NASP: variants seen among roughly 807,000 people sequenced by gnomAD.
NASP encodes NASP histone chaperone.
In NASP, 24 loss-of-function variants were observed where a neutral mutation model predicts 89.5. The observed-to-expected ratio is 0.27, with a 90% CI of 0.19 to 0.38. NASP has a LOEUF of 0.38. Among genes scored for constraint, NASP ranks in the 10% least tolerant of loss-of-function variants. The pLI is 1.00. For synonymous variants in NASP, 306 were observed against 324.7 expected (o/e 0.94, Z 0.62); for missense variants, 848 against 921.4 (o/e 0.92, Z 1.03).
At chr1:45,612,273 C>T (rs1294373327) in intron 6 of NASP, 3 of 152,106 alleles carry the variant, frequency 2.0e-5, no homozygotes, top group Non-Finnish European at 2.9e-5. Context: ...TCCTAATTGC[C>T]ATATTTATAT....
At chr1:45,588,764 C>G in intron 1 of NASP, 1 of 286,816 alleles carries the variant, frequency 3.5e-6, no homozygotes, top group Non-Finnish European at 6.9e-6. Flanking sequence ...CGGTGAAACC[C>G]CATCTCTACT....
chr1:45,594,123 C>G (rs1420827981), intron 2 of NASP, among the ~76,000 whole-genome samples: 1 of 151,550 alleles, frequency 6.6e-6, no homozygotes, highest in African/African-American at 2.4e-5. Flanking sequence ...GTCAGGAGTT[C>G]AAGATCAGCC....
intron 4 of NASP, 131 bp downstream of exon 4, chr1:45,605,147 TTG>T (rs956844598): frequency 1.8e-5 from 13 of 707,890 alleles, no homozygotes; most frequent in African/African-American, 1.6e-4. Flanking sequence ...GTGATGGAAG[TTG>T]TGAATGGCAC....
intron 2 of NASP, among the ~76,000 whole-genome samples, chr1:45,594,383 A>G (rs1460546485): frequency 6.6e-6 from 1 of 152,020 alleles, no homozygotes; most frequent in Non-Finnish European, 1.5e-5. Flanking sequence ...TTTGGGTGGT[A>G]TGAATACTGA....
chr1:45,617,625 C>T lies in NASP; in HGVS notation c.2286+34C>T. ...TTAAGCAGGGCTTAGCCTCTTGCCT[C>T]ATTCCTTGTTCTCAGGACCTGGGGA... On this transcript the variant is annotated intron_variant, in intron 14 of 14. Coordinates refer to ENST00000350030, the MANE Select transcript of NASP (RefSeq NM_002482.4). The T allele has an allele frequency of 2.6e-6, 4 of 1,540,752 alleles. No homozygotes were observed. In the Middle Eastern group the frequency reaches 5.3e-4, roughly 204 times the overall value.
Position 45,614,373 on chromosome 1 carries a change from C to A in NASP, c.1666+7C>A. The A allele has an allele frequency of 6.3e-7, 1 of 1,599,410 alleles. No homozygotes were observed. The highest frequency in any genetic ancestry group is 8.6e-7 in the Non-Finnish European group (1 of 1,166,584). Reference sequence around the variant, plus strand: ...GAAGTTAGTGTTGAATCTGGTAATGCATTTTCCATTTTATACTCTCCTACT... The same window carrying A: ...GAAGTTAGTGTTGAATCTGGTAATGAATTTTCCATTTTATACTCTCCTACT... On this transcript the variant is annotated splice_region_variant and intron_variant, in intron 9 of 14. Coordinates refer to ENST00000350030, the MANE Select transcript of NASP (RefSeq NM_002482.4).
At chr1:45,613,016 C>T in intron 6 of NASP, 153 bp from the exon 7 acceptor site, 1 of 1,072,708 alleles carries the variant, frequency 9.3e-7, no homozygotes, top group Non-Finnish European at 1.3e-6. Flanking sequence ...AGACTGCACC[C>T]ACTGACGATA....
At chr1:45,608,433 C>T (rs772662355) in intron 6 of NASP, 96 bp downstream of exon 6, 30 of 1,334,504 alleles carry the variant, frequency 2.2e-5, no homozygotes, top group Middle Eastern at 1.8e-4. Flanking sequence ...CAGGATTTTC[C>T]GTCTGCCTTT....
At chr1:45,603,403 T>G (rs1167791269) in intron 3 of NASP, among the ~76,000 whole-genome samples, 1 of 152,180 alleles carries the variant, frequency 6.6e-6, no homozygotes, top group Non-Finnish European at 1.5e-5. Context: ...AACAAAGCGT[T>G]TGTGGGTTTC....
intron 14 of NASP, 60 bp downstream of exon 14, chr1:45,617,651 A>T (rs1644130023): frequency 1.3e-6 from 2 of 1,516,206 alleles, no homozygotes; most frequent in African/African-American, 2.8e-5. Context: ...GACCTGGGGA[A>T]ATCAGTCCTC....
At chr1:45,603,605 A>AT (rs10646791) in intron 3 of NASP, among the ~76,000 whole-genome samples, 4,694 of 119,020 alleles carry the variant, frequency 0.039, 160 homozygotes, top group Middle Eastern at 0.062. Flanking sequence ...GTATTTAGAG[A>AT]TTTTTTTTTT....
intron 7 of NASP, among the ~76,000 whole-genome samples, chr1:45,613,529 C>T (rs374130496): frequency 3.3e-5 from 5 of 152,170 alleles, no homozygotes; most frequent in African/African-American, 1.2e-4. Flanking sequence ...CTGCCCAGGC[C>T]GGAGTGCACT....
In NASP at chr1:45,608,381, G is replaced by C. The variant is rs188640610; in HGVS notation, c.1426+44G>C. On this transcript the variant is annotated intron_variant, in intron 6 of 14. Coordinates refer to ENST00000350030, the MANE Select transcript of NASP (RefSeq NM_002482.4). The stretch of plus-strand genomic sequence containing the variant: ...AGCTGCAGTGGGTGGAGTACATTCT[G>C]GATTTGACTCACTAATTATGGGTAA... The C allele has an allele frequency of 2.5e-4, 381 of 1,548,518 alleles. 8 individuals carry two copies. In the East Asian group the frequency reaches 8.3e-3, roughly 34 times the overall value.
At chr1:45,617,094 C>T (rs1412707541) in intron 13 of NASP, 3 of 294,984 alleles carry the variant, frequency 1.0e-5, no homozygotes, top group Non-Finnish European at 1.9e-5. Context: ...CCACCCACCT[C>T]GGCATCCCAA....
In NASP at chr1:45,590,452, G is replaced by C. The variant is rs925102293; in HGVS notation, c.60-771G>C. Among the ~76,000 whole-genome samples the C allele has an allele frequency of 3.8e-4, 58 of 151,322 alleles. 1 individual carries two copies. The Middle Eastern group carries it at 0.024, about 63-fold the overall frequency. On this transcript the variant is annotated intron_variant, in intron 1 of 14. Coordinates refer to ENST00000350030, the MANE Select transcript of NASP (RefSeq NM_002482.4). The stretch of plus-strand genomic sequence containing the variant: ...CGGCCTGGCACCAGGCCCAGGCTGA[G>C]GCAGGAGAATGGCGTGAACCCGGGA...
chr1:45,617,003 C>G (rs1474393342), intron 13 of NASP, among the ~76,000 whole-genome samples: 1 of 152,166 alleles, frequency 6.6e-6, no homozygotes, highest in Non-Finnish European at 1.5e-5. Context: ...CGCCACCACG[C>G]CTGGCTAGTT....
At chr1:45,617,254 G>A in intron 13 of NASP, 1 of 516,460 alleles carries the variant, frequency 1.9e-6, no homozygotes, top group Non-Finnish European at 3.4e-6. Context: ...TGTGCTTCCG[G>A]TAGAGGGGCC....
intron 2 of NASP, among the ~76,000 whole-genome samples, chr1:45,600,716 C>G (rs1297844107): frequency 6.6e-6 from 1 of 152,132 alleles, no homozygotes; most frequent in Non-Finnish European, 1.5e-5. Flanking sequence ...AGTAGAATGG[C>G]TAGATCATAT....
Position 45,608,221 on chromosome 1 carries a change from A to G in NASP, c.1310A>G (p.Asp437Gly). ...LSVEESEAAG[D>G]GVDTKVAQGA... ...GTAGAAGAGTCTGAGGCAGCTGGAGATGGGGTTGATACCAAGGTAGCCCAG... is the reference window on the plus strand; with the variant it reads ...GTAGAAGAGTCTGAGGCAGCTGGAGGTGGGGTTGATACCAAGGTAGCCCAG... The change falls in exon 6 of 15, where the codon GAT (aspartate) becomes GGT (glycine). Residue 437 changes from aspartate to glycine, a missense_variant. Physicochemically the swap from Asp to Gly is moderately conservative, Grantham distance 94. Transcript: ENST00000350030. The G allele has an allele frequency of 1.2e-6, 2 of 1,614,176 alleles. No individual in the cohort carries two copies. The highest frequency in any genetic ancestry group is 1.7e-6 in the Non-Finnish European group (2 of 1,180,026).
Sources: allele counts gnomAD v4.1 joint callset (sites outside exome capture counted in the v4.1 genomes callset), GRCh38; gene constraint gnomAD v4.1.1; transcripts MANE v1.5; gene names NCBI Gene and HGNC (gene_info 2026-07-23, HGNC 2026-07-21).